USP9X: variants seen among roughly 807,000 people sequenced by gnomAD.
The protein encoded by USP9X is ubiquitin specific peptidase 9 X-linked.
In USP9X, 7 loss-of-function variants were observed where a neutral mutation model predicts 190.3. That is an observed-to-expected ratio of 0.04 (90% CI 0.02 to 0.07). USP9X has a LOEUF of 0.07. Among genes scored for constraint, USP9X ranks in the 10% least tolerant of loss-of-function variants. The pLI is 1.00. For missense variants in USP9X, 1,010 were observed against 1,916.9 expected (o/e 0.53, Z 8.83); for synonymous variants, 645 against 659.5 (o/e 0.98, Z 0.34).
Position 41,189,484 on chromosome X carries a change from C to G in USP9X, c.3977+9C>G. 1 of 1,177,203 alleles carries G rather than the reference C, an allele frequency of 8.5e-7. No individual in the cohort carries two copies. The highest frequency in any genetic ancestry group is 2.5e-5 in the Admixed American group (1 of 40,643). Reference sequence around the variant, plus strand: ...TTGCACTGTCACAGCAAGTAAGTATCTTTTTTAATTGTAAGAAACTTACTT... The same window carrying G: ...TTGCACTGTCACAGCAAGTAAGTATGTTTTTTAATTGTAAGAAACTTACTT... On this transcript the variant is annotated intron_variant, in intron 26 of 44. Transcript: ENST00000378308.
At chrX:41,214,518 A>G (rs1427420256) in intron 33 of USP9X, 50 bp from the exon 34 acceptor site, 1 of 1,090,099 alleles carries the variant, frequency 9.2e-7, no homozygotes, top group African/African-American at 1.9e-5. Context: ...GTCCATAACT[A>G]AAATGTTTAC....
At chrX:41,211,403 A>G (rs2063156355) in intron 33 of USP9X, among the ~76,000 whole-genome samples, 1 of 113,129 alleles carries the variant, frequency 8.8e-6, no homozygotes, top group Non-Finnish European at 1.9e-5. Context: ...TTGAGTGATT[A>G]TAATAGTGTA....
rs746057435 is a variant in USP9X, at chrX:41,173,455, T to TA, written c.3148+1498dup. ...TTTAAATGTATTTTTTGGAAATACT[T>TA]ACAATCTTACAGAAAAATTAGAAGT... On this transcript the variant is annotated intron_variant, in intron 21 of 44. Transcript: ENST00000378308. 4.5e-5 allele frequency among the ~76,000 whole-genome samples: 5 copies of TA among 112,178 alleles called. No homozygotes were observed. In the South Asian group the frequency reaches 1.5e-3, roughly 33 times the overall value.
chrX:41,143,302 G>A lies in USP9X; in HGVS notation c.1173G>A (p.Gln391=). The change falls in exon 10 of 45, where the codon CAG becomes CAA. Residue 391 remains glutamine (Q), a synonymous_variant. Coordinates refer to ENST00000378308, the MANE Select transcript of USP9X (RefSeq NM_001039591.3). ...LTAERMAEWI[Q]QNNILSIVLR... is the part of the protein sequence containing the mutation. ...GAATTAACATTTAGGAATGGATACA[G>A]CAGAACAATATCTTATCCATAGTGT... The A allele has an allele frequency of 8.4e-7, 1 of 1,183,473 alleles. No homozygotes were observed. Among genetic ancestry groups the A allele is most frequent in the Non-Finnish European group, 1.1e-6 (1 of 881,275 alleles).
At chrX:41,100,402 A>G (rs916707878) in intron 1 of USP9X, among the ~76,000 whole-genome samples, 1 of 112,292 alleles carries the variant, frequency 8.9e-6, no homozygotes, top group Non-Finnish European at 1.9e-5. Flanking sequence ...GTGGTAGAAC[A>G]GGAATTCAAA....
At position 41,091,503 on chromosome X, in the gene USP9X, G is replaced by A. The variant is rs1213663983; in HGVS notation, c.-159+5394G>A. Among the ~76,000 whole-genome samples, 4 of 112,401 alleles carry A rather than the reference G, an allele frequency of 3.6e-5. No homozygotes were observed. The Admixed American group carries it at 3.8e-4, about 11-fold the overall frequency. ...CCTCACAATTCTATCTTTAAGGTTAGTGGCTTTCATTCTAAGTCAGTGATA... is the reference window on the plus strand; with the variant it reads ...CCTCACAATTCTATCTTTAAGGTTAATGGCTTTCATTCTAAGTCAGTGATA... On this transcript the variant is annotated intron_variant, in intron 1 of 44. Coordinates refer to ENST00000378308, the MANE Select transcript of USP9X (RefSeq NM_001039591.3).
intron 24 of USP9X, among the ~76,000 whole-genome samples, chrX:41,187,389 C>G (rs2062890873): frequency 8.9e-6 from 1 of 111,794 alleles, no homozygotes; most frequent in Non-Finnish European, 1.9e-5. Context: ...TAGTTCATTC[C>G]TTTTTATTGC....
intron 38 of USP9X, among the ~76,000 whole-genome samples, chrX:41,220,412 A>G (rs1269700933): frequency 5.3e-5 from 6 of 112,293 alleles, no homozygotes; most frequent in Admixed American, 1.9e-4. Context: ...GTAAACCTTA[A>G]TATGAAGTCC....
At chrX:41,217,049 A>G (rs184433462) in intron 35 of USP9X, among the ~76,000 whole-genome samples, 171 bp from the exon 36 acceptor site, 18 of 111,061 alleles carry the variant, frequency 1.6e-4, no homozygotes, top group African/African-American at 5.9e-4. Flanking sequence ...GGTGACAGTG[A>G]GTCTCCATCT....
At chrX:41,146,152 T>G (rs1210713070) in intron 11 of USP9X, among the ~76,000 whole-genome samples, 2 of 111,704 alleles carry the variant, frequency 1.8e-5, no homozygotes, top group African/African-American at 6.5e-5. Flanking sequence ...AAAAAGGGGT[T>G]GTTATTATAT....
intron 21 of USP9X, among the ~76,000 whole-genome samples, chrX:41,181,412 C>T (rs1445366535): frequency 2.2e-5 from 2 of 89,234 alleles, no homozygotes; most frequent in Non-Finnish European, 4.3e-5. Context: ...GCTAGGACTA[C>T]AGGTACACAC....
In USP9X at chrX:41,214,619, C is replaced by T. The variant is rs779161509; in HGVS notation, c.5241C>T (p.His1747=). The T allele has an allele frequency of 8.3e-7, 1 of 1,198,336 alleles. No individual in the cohort carries two copies. Among genetic ancestry groups the T allele is most frequent in the Non-Finnish European group, 1.1e-6 (1 of 890,491 alleles). ...CCCTAAACGTAGACATTAGAAATCA[C>T]CAAAATCTTCTTGATTCTTTGGAAC... The part of the protein sequence containing the change: ...FTTLNVDIRN[H]QNLLDSLEQY... The change falls in exon 34 of 45, where the codon CAC becomes CAT. Residue 1747 remains histidine (H), a synonymous_variant. Transcript: ENST00000378308.
At chrX:41,230,078 G>A (rs1436549271) in intron 43 of USP9X, among the ~76,000 whole-genome samples, 1 of 111,367 alleles carries the variant, frequency 9.0e-6, no homozygotes, top group Non-Finnish European at 1.9e-5. Context: ...GCAGGCGCCT[G>A]TAATCTCAGC....
At chrX:41,181,272 CTTTTTTT>C (rs769952292) in intron 21 of USP9X, among the ~76,000 whole-genome samples, 1 of 75,433 alleles carries the variant, frequency 1.3e-5, no homozygotes, top group Admixed American at 1.7e-4. Context: ...TTTCTCATTT[CTTTTTTT>C]TTTTTTTTTT....
intron 32 of USP9X, 105 bp downstream of exon 32, chrX:41,205,598 C>A: frequency 1.3e-6 from 1 of 753,454 alleles, no homozygotes; most frequent in Non-Finnish European, 1.8e-6. Flanking sequence ...TTTTTTTAAG[C>A]ACTGGTAATA....
rs367988611 is a variant in USP9X, at chrX:41,232,454, C to T, written c.7595C>T (p.Thr2532Ile). ...AAHHMNNPQR[T>I]GQRAQENYEG... ...CATCACATGAACAACCCTCAGAGAA[C>T]TGGCCAACGAGCACAAGAAAATTAT... is the stretch of plus-strand genomic sequence containing the variant. Residue 2532 changes from threonine to isoleucine, a missense_variant, in exon 45 of 45, where the codon ACT becomes ATT. Physicochemically the swap from Thr to Ile is moderately conservative, Grantham distance 89. Coordinates refer to ENST00000378308, the MANE Select transcript of USP9X (RefSeq NM_001039591.3). The T allele has an allele frequency of 8.3e-7, 1 of 1,211,385 alleles. No individual in the cohort carries two copies. The highest frequency in any genetic ancestry group is 1.7e-5 in the African/African-American group (1 of 57,726).
At chrX:41,154,828 T>G (rs2062562634) in intron 14 of USP9X, among the ~76,000 whole-genome samples, 1 of 111,404 alleles carries the variant, frequency 9.0e-6, no homozygotes, top group Admixed American at 9.6e-5. Context: ...CCTTGGTACC[T>G]TTTCTTCTTC....
Position 41,234,922 on chromosome X carries a change from A to G in USP9X, c.*2398A>G, listed in dbSNP as rs1569207642. On this transcript the variant is annotated 3_prime_UTR_variant, in exon 45 of 45. Coordinates refer to ENST00000378308, the MANE Select transcript of USP9X (RefSeq NM_001039591.3). Reference sequence around the variant, plus strand: ...TCCAAGCTCTTTAAACGAGTGAAATAGGTTAACTTTATTTGGATGAGTTAG... The same window carrying G: ...TCCAAGCTCTTTAAACGAGTGAAATGGGTTAACTTTATTTGGATGAGTTAG... 2 of 112,200 alleles carry G rather than the reference A, an allele frequency of 1.8e-5. No individual in the cohort carries two copies. Among genetic ancestry groups the G allele is most frequent in the East Asian group, 5.5e-4 (2 of 3,609 alleles). The allele number at this position is 112,200 out of a possible 1,213,427, so 9.2% of individuals were successfully genotyped here. A position where few individuals can be genotyped will look rare whatever the true frequency, so the allele number is the denominator to read the frequency against.
Position 41,129,109 on chromosome X carries a change from A to G in USP9X, c.206A>G (p.His69Arg), listed in dbSNP as rs2062284340. 1 of 1,211,115 alleles carries G rather than the reference A, an allele frequency of 8.3e-7. No individual in the cohort carries two copies. The highest frequency in any genetic ancestry group is 1.1e-6 in the Non-Finnish European group (1 of 895,412). ...GAAGATGAGGAACCTGCATTTCCAC[A>G]TACTGACTTGGCCAAGTTGGATGAC... ...QLEDEEPAFP[H>R]TDLAKLDDMI... The change falls in exon 3 of 45, where the codon CAT (histidine) becomes CGT (arginine). Residue 69 changes from histidine (H) to arginine (R), a missense_variant. His to Arg is a conservative substitution (Grantham distance 29). Around this residue, in one of 11 missense-constraint regions of USP9X, gnomAD observed 176 missense variants for 247.5 expected, o/e 0.71. Transcript: ENST00000378308.
Sources: gnomAD v4.1 joint callset for allele counts (sites outside exome capture counted in the v4.1 genomes callset) on GRCh38, gnomAD v4.1.1 for gene constraint, gnomAD v4.1.1 regional missense constraint, MANE v1.5 for transcripts, NCBI Gene and HGNC (gene_info 2026-07-23, HGNC 2026-07-21) for gene names.